Variants in SLC24A2 observed in about 807,000 individuals in gnomAD.
SLC24A2 encodes the protein sodium/potassium/calcium exchanger 2.
SLC24A2 carries 36 observed loss-of-function variants against 62.0 expected under a neutral mutation model. That is an observed-to-expected ratio of 0.58 (90% CI 0.44 to 0.77). The LOEUF is 0.77. SLC24A2 is among the 30% of genes least tolerant of loss of function. SLC24A2 has a pLI of 0.00. For missense variants in SLC24A2, 846 were observed against 817.9 expected (o/e 1.03, Z -0.42); for synonymous variants, 358 against 294.0 (o/e 1.22, Z -2.23).
At chr9:19,870,156 C>T in the SLC24A2 span, among the ~76,000 whole-genome samples, 3 of 152,094 alleles carry the variant, frequency 2.0e-5, no homozygotes, top group Non-Finnish European at 4.4e-5. Context: ...CAAAAGAAAC[C>T]CCGTACCCAT....
intron 5 of SLC24A2, among the ~76,000 whole-genome samples, chr9:19,592,492 ACCC>A (rs1836584551): frequency 3.0e-4 from 2 of 6,620 alleles, no homozygotes; most frequent in South Asian, 9.1e-3. Context: ...CTACCTACCT[ACCC>A]ACCTACCTAC....
chr9:19,642,986 C>CTTTTTTTTTTT (rs71335441), intron 2 of SLC24A2, among the ~76,000 whole-genome samples: 1 of 125,328 alleles, frequency 8.0e-6, no homozygotes, highest in African/African-American at 3.0e-5. Context: ...GGCCAGTATT[C>CTTTTTTTTTTT]TTTTTTTTTT....
the SLC24A2 span, among the ~76,000 whole-genome samples, chr9:19,819,681 T>C: frequency 2.0e-5 from 3 of 151,770 alleles, no homozygotes; most frequent in East Asian, 5.8e-4. Flanking sequence ...CCTGCAAGAA[T>C]GGCCATAATA....
chr9:19,545,705 C>G (rs146782473), intron 8 of SLC24A2, among the ~76,000 whole-genome samples: 12 of 151,740 alleles, frequency 7.9e-5, no homozygotes, highest in African/African-American at 2.9e-4. Context: ...GTGGTGCAAT[C>G]ATGGCTCACT....
chr9:19,660,007 T>C (rs753746740), intron 2 of SLC24A2, among the ~76,000 whole-genome samples: 3 of 152,148 alleles, frequency 2.0e-5, no homozygotes, highest in Admixed American at 6.5e-5. Flanking sequence ...TGAATACAAA[T>C]AGACTGGCCA....
chr9:19,589,814 G>T (rs1347956795), intron 5 of SLC24A2, among the ~76,000 whole-genome samples: 1 of 152,138 alleles, frequency 6.6e-6, no homozygotes, highest in East Asian at 1.9e-4. Flanking sequence ...TAAGTAGACT[G>T]CAGATCAATG....
At chr9:19,662,613 G>C (rs1819135013) in intron 2 of SLC24A2, among the ~76,000 whole-genome samples, 1 of 152,130 alleles carries the variant, frequency 6.6e-6, no homozygotes, top group Admixed American at 6.6e-5. Flanking sequence ...TTTCCGCAGA[G>C]TACACTGAGA....
At chr9:19,847,412 T>C in the SLC24A2 span, among the ~76,000 whole-genome samples, 1 of 152,182 alleles carries the variant, frequency 6.6e-6, no homozygotes, top group East Asian at 1.9e-4. Context: ...TACCAAGAAG[T>C]TCAATGGTCA....
chr9:19,720,655 C>T (rs1018540868), intron 2 of SLC24A2, among the ~76,000 whole-genome samples: 5 of 150,466 alleles, frequency 3.3e-5, no homozygotes, highest in Admixed American at 6.6e-5. Context: ...ATACTTTACA[C>T]TGAACATATT....
At chr9:20,182,517 C>T in the SLC24A2 span, among the ~76,000 whole-genome samples, 3 of 152,284 alleles carry the variant, frequency 2.0e-5, no homozygotes, top group East Asian at 5.8e-4. Context: ...CCATCATTCT[C>T]AGCAAACTAT....
chr9:20,073,876 GTA>G, the SLC24A2 span, among the ~76,000 whole-genome samples: 26 of 116,800 alleles, frequency 2.2e-4, no homozygotes, highest in South Asian at 2.5e-4. Flanking sequence ...ATATGTGCGT[GTA>G]TATATATATA....
the SLC24A2 span, among the ~76,000 whole-genome samples, chr9:19,851,024 C>CGTATATATATAT: frequency 2.2e-5 from 1 of 45,950 alleles, no homozygotes; most frequent in African/African-American, 1.1e-4. Flanking sequence ...TATATATATA[C>CGTATATATATAT]ATATTTTTTT....
the SLC24A2 span, among the ~76,000 whole-genome samples, chr9:20,204,910 A>T: frequency 2.0e-5 from 3 of 151,446 alleles, no homozygotes; most frequent in Non-Finnish European, 4.4e-5. Flanking sequence ...CACTCGGCTA[A>T]TTTTTTTTCT....
At chr9:20,018,885 G>A in the SLC24A2 span, among the ~76,000 whole-genome samples, 3 of 152,090 alleles carry the variant, frequency 2.0e-5, no homozygotes, top group South Asian at 4.2e-4. Flanking sequence ...GCAACATGGC[G>A]AAACCCTGTG....
chr9:19,744,084 C>G (rs1372643736), intron 2 of SLC24A2, among the ~76,000 whole-genome samples: 1 of 152,132 alleles, frequency 6.6e-6, no homozygotes, highest in Non-Finnish European at 1.5e-5. Context: ...TATGGGCTGG[C>G]AGAGCTGCTC....
the SLC24A2 span, among the ~76,000 whole-genome samples, chr9:20,269,305 A>T: frequency 6.6e-6 from 1 of 152,100 alleles, no homozygotes; most frequent in Admixed American, 6.5e-5. Flanking sequence ...AGAAAAGGAG[A>T]CGCATCCATG....
chr9:20,149,329 G>A, the SLC24A2 span, among the ~76,000 whole-genome samples: 1 of 151,950 alleles, frequency 6.6e-6, no homozygotes, highest in Non-Finnish European at 1.5e-5. Context: ...CCAACAATGA[G>A]GAGACTTTTT....
the SLC24A2 span, among the ~76,000 whole-genome samples, chr9:19,871,465 C>G: frequency 6.6e-6 from 1 of 152,018 alleles, no homozygotes; most frequent in Non-Finnish European, 1.5e-5. Context: ...ATTGATATAC[C>G]TTTAAATTCA....
At chr9:19,579,231 A>C (rs541228870) in intron 5 of SLC24A2, among the ~76,000 whole-genome samples, 1 of 152,314 alleles carries the variant, frequency 6.6e-6, no homozygotes, top group Admixed American at 6.5e-5. Flanking sequence ...GAAAGGAAAA[A>C]TAGAGAAAAA....
Sources: gnomAD v4.1 joint callset for allele counts (sites outside exome capture counted in the v4.1 genomes callset) on GRCh38, gnomAD v4.1.1 for gene constraint, MANE v1.5 for transcripts, NCBI Gene and HGNC (gene_info 2026-07-23, HGNC 2026-07-21) for gene names.